Variants in ZSCAN30 observed in about 807,000 individuals in gnomAD.
ZSCAN30 encodes the protein zinc finger and SCAN domain containing 30, also known as zinc finger and SCAN domain-containing protein 30.
Under a neutral mutation model 44.3 loss-of-function variants are expected in ZSCAN30, and 37 were observed. The observed-to-expected ratio is 0.84, with a 90% CI of 0.64 to 1.10. ZSCAN30 has a LOEUF of 1.10. Among genes scored for constraint, ZSCAN30 ranks in the 50% least tolerant of loss-of-function variants. The probability of loss-of-function intolerance (pLI) is 0.00; values close to 1 mark genes in which losing one functional copy is unlikely to be tolerated. For missense variants in ZSCAN30, 549 were observed against 582.6 expected, an observed-to-expected ratio of 0.94 and a Z score of 0.59; for synonymous variants, 181 against 204.6, an observed-to-expected ratio of 0.88 and a Z score of 0.98.
At chr18:35,289,199 C>A (rs1186348935) in intron 1 of ZSCAN30, 2 of 152,216 alleles carry the variant, frequency 1.3e-5, no homozygotes, top group African/African-American at 4.8e-5. Context: ...TGGTCTCCAA[C>A]TCCTGATCTC....
intron 1 of ZSCAN30, chr18:35,267,972 T>G (rs1329545099): frequency 6.6e-6 from 1 of 152,082 alleles, no homozygotes; most frequent in African/African-American, 2.4e-5. Context: ...GGACGCCAGG[T>G]GCTGCGGAGG....
At chr18:35,266,717 A>T (rs534222988) in intron 1 of ZSCAN30, 25 of 126,082 alleles carry the variant, frequency 2.0e-4, no homozygotes, top group African/African-American at 6.6e-4. Context: ...CCCAGGCCAG[A>T]CTGCAGTGGC....
rs964835327 is a variant in ZSCAN30 at position 35,274,998 on chromosome 18, C to G, written c.-103-10543G>C. 2.0e-5 allele frequency among the ~76,000 whole-genome samples: 3 copies of G among 152,098 alleles called. No individual in the cohort carries two copies. In the South Asian group the frequency reaches 6.2e-4, roughly 32 times the overall value. The stretch of plus-strand genomic sequence containing the variant: ...CTGTCTTTTTTAAAGATTTCCTTCC[C>G]TACTCTGAAGTCATAAATATACTTT... On this transcript the variant is annotated intron_variant, in intron 1 of 3. Coordinates refer to ENST00000333206, the MANE Select transcript of ZSCAN30 (RefSeq NM_001112734.4).
intron 1 of ZSCAN30, chr18:35,283,252 G>A (rs952372622): frequency 1.3e-5 from 2 of 152,078 alleles, no homozygotes; most frequent in Admixed American, 6.5e-5. Flanking sequence ...TTAGATAGAT[G>A]TGGTGGCACG....
intron 1 of ZSCAN30, chr18:35,283,706 C>T (rs1949599807): frequency 6.6e-6 from 1 of 152,286 alleles, no homozygotes; most frequent in South Asian, 2.1e-4. Context: ...CTTGGAGACT[C>T]CAGGAAATGC....
Position 35,285,172 on chromosome 18 carries a change from C to T in ZSCAN30, c.-104+4912G>A, listed in dbSNP as rs2044528946. On this transcript the variant is annotated intron_variant, in intron 1 of 3. Transcript: ENST00000333206. The stretch of plus-strand genomic sequence containing the variant: ...CCAGCCTGGGCAACAGAGTGAGAGA[C>T]TCCATCTCAAAAAAAGAGAAAAAGG... 2.0e-5 allele frequency: 3 copies of T among 152,588 alleles called. No individual in the cohort carries two copies. In the South Asian group the frequency reaches 6.2e-4, roughly 32 times the overall value. The allele number at this position is 152,588 out of a possible 1,614,324, so 9.5% of individuals were successfully genotyped here.
At chr18:35,283,176 AGTT>A (rs1053607258) in intron 1 of ZSCAN30, 1 of 151,986 alleles carries the variant, frequency 6.6e-6, no homozygotes, top group African/African-American at 2.4e-5. Context: ...TGAAGTCAGG[AGTT>A]TGAGACCAGC....
At chr18:35,271,177 T>G (rs969594771) in intron 1 of ZSCAN30, among the ~76,000 whole-genome samples, 1 of 152,202 alleles carries the variant, frequency 6.6e-6, no homozygotes, top group South Asian at 2.1e-4. Context: ...ACCAGGTTCC[T>G]GCTGCTTGCT....
Position 35,252,130 on chromosome 18 carries a change from C to T in ZSCAN30, c.*1320G>A, listed in dbSNP as rs2043619604. The stretch of plus-strand genomic sequence containing the variant: ...TTGTCATAAAGCCTGGCTCAGAATC[C>T]CCATGTGTTGCTTTTCCTCTTCCTA... On this transcript the variant is annotated 3_prime_UTR_variant, in exon 4 of 4. Coordinates refer to ENST00000333206, the MANE Select transcript of ZSCAN30 (RefSeq NM_001112734.4). The T allele has an allele frequency of 6.6e-6, 1 of 152,168 alleles. No homozygotes were observed. The highest frequency in any genetic ancestry group is 6.5e-5 in the Admixed American group (1 of 15,274). 9.4% of individuals were successfully genotyped at this position (152,168 alleles called of 1,614,324 possible).
rs1222567831 is a variant in ZSCAN30 at position 35,253,821 on chromosome 18, G to T, written c.1114C>A (p.Leu372Ile). ...CGKAFRGSSE[L>I]IRHRRIHTGE... ...GTGTGGATTCTCCGATGCCTGATGA[G>T]CTCTGAACTGCCCCTGAAGGCTTTT... Residue 372 changes from leucine (L) to isoleucine (I), a missense_variant, in exon 4 of 4, where the codon CTC (leucine) becomes ATC (isoleucine). Coordinates refer to ENST00000333206, the MANE Select transcript of ZSCAN30 (RefSeq NM_001112734.4). 3 of 1,614,166 alleles carry T rather than the reference G, an allele frequency of 1.9e-6. No homozygotes were observed. Among genetic ancestry groups the T allele is most frequent in the Non-Finnish European group, 2.5e-6 (3 of 1,180,028 alleles).
chr18:35,251,543 T>C lies in ZSCAN30; in HGVS notation c.*1907A>G, dbSNP rs2043595045. Reference sequence around the variant, plus strand: ...TTTGGCTCTTGTGTCCCCACCCAAATCTCCAATAGTAATCCCCAGGTGTTG... The same window carrying C: ...TTTGGCTCTTGTGTCCCCACCCAAACCTCCAATAGTAATCCCCAGGTGTTG... On this transcript the variant is annotated 3_prime_UTR_variant, in exon 4 of 4. Transcript: ENST00000333206. 1 of 151,978 alleles carries C rather than the reference T, an allele frequency of 6.6e-6. No individual in the cohort carries two copies. The highest frequency in any genetic ancestry group is 6.6e-5 in the Admixed American group (1 of 15,260). The allele number at this position is 151,978 out of a possible 1,614,324, so 9.4% of individuals were successfully genotyped here.
chr18:35,254,682 G>C (rs550150650), intron 3 of ZSCAN30: 19 of 461,564 alleles, frequency 4.1e-5, no homozygotes, highest in South Asian at 4.0e-4. Context: ...AGGAAGCTAG[G>C]AGACAATCTT....
Position 35,252,285 on chromosome 18 carries a change from G to A in ZSCAN30, c.*1165C>T, listed in dbSNP as rs534282970. The A allele has an allele frequency of 6.6e-6, 1 of 152,222 alleles. No homozygotes were observed. The highest frequency in any genetic ancestry group is 2.4e-5 in the African/African-American group (1 of 41,446). 9.4% of individuals were successfully genotyped at this position (152,222 alleles called of 1,614,324 possible). A position where few individuals can be genotyped will look rare whatever the true frequency, so the allele number is the denominator to read the frequency against. On this transcript the variant is annotated 3_prime_UTR_variant, in exon 4 of 4. Transcript: ENST00000333206. ...AAAGGCATGTATATACACAGGGAAA[G>A]AATGCATATCAGAGGCTAGAGAGAC...
intron 1 of ZSCAN30, among the ~76,000 whole-genome samples, chr18:35,288,178 A>G (rs2143792178): frequency 6.6e-6 from 1 of 152,348 alleles, no homozygotes; most frequent in East Asian, 1.9e-4. Context: ...CTGGCCACAA[A>G]GCATATATTT....
In ZSCAN30 at chr18:35,252,705, C is replaced by T. The variant is rs1387730068; in HGVS notation, c.*745G>A. ...CCTGCCATGTACTTTGATGGAAACC[C>T]GCATTTTTCCTACCAAAGCACTTAC... On this transcript the variant is annotated 3_prime_UTR_variant, in exon 4 of 4. Coordinates refer to ENST00000333206, the MANE Select transcript of ZSCAN30 (RefSeq NM_001112734.4). 5 of 152,104 alleles carry T rather than the reference C, an allele frequency of 3.3e-5. No individual in the cohort carries two copies. Among genetic ancestry groups the T allele is most frequent in the South Asian group, 2.1e-4 (1 of 4,826 alleles). The allele number at this position is 152,104 out of a possible 1,614,324, so 9.4% of individuals were successfully genotyped here.
intron 1 of ZSCAN30, among the ~76,000 whole-genome samples, chr18:35,279,235 A>C (rs918988618): frequency 6.6e-6 from 1 of 152,248 alleles, no homozygotes; most frequent in African/African-American, 2.4e-5. Flanking sequence ...GAAGTACAAG[A>C]TCAAGGTGCC....
rs1333861042 is a variant in ZSCAN30, at chr18:35,253,489, T to C, written c.1446A>G (p.Ser482=). 1 of 1,605,104 alleles carries C rather than the reference T, an allele frequency of 6.2e-7. No individual in the cohort carries two copies. Among genetic ancestry groups the C allele is most frequent in the Admixed American group, 1.7e-5 (1 of 59,542 alleles). The part of the protein sequence containing the change: ...SECRKTFRHR[S]GLMQHQRTHT... ...GTGTTCTCTGATGCTGCATAAGGCCTGACCTATGCCTAAATGTTTTTCTAC... is the reference window on the plus strand; with the variant it reads ...GTGTTCTCTGATGCTGCATAAGGCCCGACCTATGCCTAAATGTTTTTCTAC... Residue 482 remains serine, a synonymous_variant, in exon 4 of 4, where the codon TCA becomes TCG. Coordinates refer to ENST00000333206, the MANE Select transcript of ZSCAN30 (RefSeq NM_001112734.4).
At position 35,254,208 on chromosome 18, in the gene ZSCAN30, C is replaced by T. The variant is rs377480730; in HGVS notation, c.727G>A (p.Ala243Thr). ...DNSKKQKGNA[A>T]GNKISQLPSQ... ...GGAAGCTGACTGATTTTGTTCCCTG[C>T]AGCATTTCCCTTTTGCTTCTTAGAG... The change falls in exon 4 of 4, where the codon GCA (alanine) becomes ACA (threonine). Residue 243 changes from alanine (A) to threonine (T), a missense_variant. Coordinates refer to ENST00000333206, the MANE Select transcript of ZSCAN30 (RefSeq NM_001112734.4). The T allele has an allele frequency of 1.2e-6, 2 of 1,614,030 alleles. No individual in the cohort carries two copies. Among genetic ancestry groups the T allele is most frequent in the African/African-American group, 2.7e-5 (2 of 74,914 alleles).
chr18:35,285,702 T>C (rs573693694), intron 1 of ZSCAN30, among the ~76,000 whole-genome samples: 1 of 152,184 alleles, frequency 6.6e-6, no homozygotes, highest in African/African-American at 2.4e-5. Flanking sequence ...GAGATGCTGC[T>C]AAGGCAGTAC....
Sources: gnomAD v4.1 joint callset for allele counts (sites outside exome capture counted in the v4.1 genomes callset) on GRCh38, gnomAD v4.1.1 for gene constraint, MANE v1.5 for transcripts, NCBI Gene and HGNC (gene_info 2026-07-23, HGNC 2026-07-21) for gene names.